The following TMED6 variants were observed in gnomAD, a reference collection of about 807,000 sequenced individuals.
The protein encoded by TMED6 is transmembrane emp24 domain-containing protein 6.
Under a neutral mutation model 26.5 loss-of-function variants are expected in TMED6, and 17 were observed. The ratio of observed to expected loss-of-function variants is 0.64; its 90% confidence interval spans 0.44 to 0.96. The LOEUF is 0.96. TMED6 is among the 40% of genes least tolerant of loss of function. The pLI, the probability that TMED6 is intolerant of heterozygous loss-of-function variation, is 0.00. For missense variants in TMED6, 309 were observed against 296.5 expected, an observed-to-expected ratio of 1.04 and a Z score of -0.31; for synonymous variants, 107 against 106.2, an observed-to-expected ratio of 1.01 and a Z score of -0.04.
rs761202041 is a variant in TMED6, at chr16:69,343,384, CA to C, written c.*22del. ...CGACTAAGCCCCAGAAGAAAACAGC[CA>C]GGGTGCTATAGTCACCTTAGCTTAG... On this transcript the variant is annotated 3_prime_UTR_variant, in exon 4 of 4. Coordinates refer to ENST00000288025, the MANE Select transcript of TMED6 (RefSeq NM_144676.4). 1.3e-6 allele frequency: 2 copies of C among 1,589,928 alleles called. No homozygotes were observed. Among genetic ancestry groups the C allele is most frequent in the East Asian group, 4.5e-5 (2 of 44,422 alleles).
intron 1 of TMED6, among the ~76,000 whole-genome samples, chr16:69,350,108 T>TA (rs1239127448): frequency 6.6e-5 from 10 of 151,436 alleles, no homozygotes; most frequent in Non-Finnish European, 8.8e-5. Flanking sequence ...TGTCTCTACT[T>TA]AAAAAATACA....
chr16:69,348,975 G>A (rs565559651), intron 2 of TMED6, among the ~76,000 whole-genome samples: 1 of 152,328 alleles, frequency 6.6e-6, no homozygotes, highest in Admixed American at 6.5e-5. Flanking sequence ...ACTGTCTGAT[G>A]CCCCTGTTGA....
At position 69,347,929 on chromosome 16, in the gene TMED6, A is replaced by G. The variant is rs1239753767; in HGVS notation, c.348T>C (p.Tyr116=). ...INFSTQETGF[Y]QLCLSNQHNH... is the part of the protein sequence containing the mutation. The stretch of plus-strand genomic sequence containing the variant: ...TATGCTGATTACTTAGACAAAGCTG[A>G]TAAAAACCTGTAGGAATTCTTAGAT... Residue 116 remains tyrosine (Y), a synonymous_variant, in exon 3 of 4, where the codon TAT becomes TAC. Coordinates refer to ENST00000288025, the MANE Select transcript of TMED6 (RefSeq NM_144676.4). 8 of 1,613,864 alleles carry G rather than the reference A, an allele frequency of 5.0e-6. No individual in the cohort carries two copies. Among genetic ancestry groups the G allele is most frequent in the Non-Finnish European group, 6.8e-6 (8 of 1,179,956 alleles).
chr16:69,343,924 G>A lies in TMED6; in HGVS notation c.490-284C>T, dbSNP rs80254057. Among the ~76,000 whole-genome samples, 1,013 of 152,158 alleles carry A rather than the reference G, an allele frequency of 6.7e-3. 45 individuals carry two copies. The South Asian group carries it at 0.12, about 18-fold the overall frequency. On this transcript the variant is annotated intron_variant, in intron 3 of 3. Coordinates refer to ENST00000288025, the MANE Select transcript of TMED6 (RefSeq NM_144676.4). ...GCTCACTGCAGCCTCAACCTTCTGC[G>A]CTCAAGTGATCTTCCCACCTCAGCC...
chr16:69,350,682 G>A (rs893831404), intron 1 of TMED6, among the ~76,000 whole-genome samples: 2 of 152,088 alleles, frequency 1.3e-5, no homozygotes, highest in Non-Finnish European at 2.9e-5. Context: ...CTGCTTGGCA[G>A]TGCACACCTA....
At chr16:69,345,064 A>T (rs895425192) in intron 3 of TMED6, among the ~76,000 whole-genome samples, 39 of 152,046 alleles carry the variant, frequency 2.6e-4, no homozygotes, top group African/African-American at 8.9e-4. Flanking sequence ...ATTCCAGCCT[A>T]GGTGACAAAG....
chr16:69,347,363 A>G (rs759234623), intron 3 of TMED6, among the ~76,000 whole-genome samples: 3 of 152,174 alleles, frequency 2.0e-5, no homozygotes, highest in Non-Finnish European at 2.9e-5. Context: ...AAGAGCTTCA[A>G]GTCGTAATTT....
rs10607828 is a variant in TMED6, at chr16:69,348,122, CTTA to C, written c.341-189_341-187del. The C allele has an allele frequency of 8.8e-3, 5,029 of 571,576 alleles. 210 individuals are homozygous for C. Among genetic ancestry groups the C allele is most frequent in the African/African-American group, 0.083 (4,466 of 53,490 alleles). 35.4% of individuals were successfully genotyped at this position (571,576 alleles called of 1,614,324 possible). A position where few individuals can be genotyped will look rare whatever the true frequency, so the allele number is the denominator to read the frequency against. ...TATGTTAAACTTATACTAAATATTA[CTTA>C]TTATATTTGGCCAAATTTTAGTAAC... is the stretch of plus-strand genomic sequence containing the variant. On this transcript the variant is annotated intron_variant, in intron 2 of 3. Coordinates refer to ENST00000288025, the MANE Select transcript of TMED6 (RefSeq NM_144676.4).
rs1343598318 is a variant in TMED6, at chr16:69,351,635, T to A, written c.119A>T (p.Asp40Val). Residue 40 changes from aspartate to valine, a missense_variant, in exon 1 of 4, where the codon GAT becomes GTT. By Grantham distance (152) the Asp-to-Val change is radical. Transcript: ENST00000288025. ...SGDQPLFRGA[D>V]RYDFAIMIPP... is the part of the protein sequence containing the mutation. ...TATCATGATGGCAAAGTCATATCGA[T>A]CAGCTCCACGGAAGAGTGGCTGGTC... 1.9e-6 allele frequency: 3 copies of A among 1,614,006 alleles called. No individual in the cohort carries two copies. Among genetic ancestry groups the A allele is most frequent in the South Asian group, 2.2e-5 (2 of 91,060 alleles).
chr16:69,347,101 G>A (rs915694641), intron 3 of TMED6, among the ~76,000 whole-genome samples: 5 of 152,122 alleles, frequency 3.3e-5, no homozygotes, highest in Non-Finnish European at 1.5e-5. Context: ...CAGGCCTGGG[G>A]TAATAGAATG....
rs1438743983 is a variant in TMED6 at position 69,343,581 on chromosome 16, G to A, written c.549C>T (p.Ala183=). 4.3e-6 allele frequency: 7 copies of A among 1,614,154 alleles called. No homozygotes were observed. The highest frequency in any genetic ancestry group is 5.1e-6 in the Non-Finnish European group (6 of 1,180,022). ...IFHMWRYYNF[A]RMRKMADFFL... is the part of the protein sequence containing the mutation. ...AAAAGTCAGCCATTTTCCTCATCCG[G>A]GCAAAGTTGTAGTATCGCCACATGT... Residue 183 remains alanine (A), a synonymous_variant, in exon 4 of 4, where the codon GCC becomes GCT. Coordinates refer to ENST00000288025, the MANE Select transcript of TMED6 (RefSeq NM_144676.4).
rs377067532 is a variant in TMED6, at chr16:69,349,621, G to T, written c.244C>A (p.Arg82=). 6.2e-7 allele frequency: 1 copy of T among 1,613,774 alleles called. No homozygotes were observed. The highest frequency in any genetic ancestry group is 8.5e-7 in the Non-Finnish European group (1 of 1,179,848). Reference sequence around the variant, plus strand: ...TTATGTGCCGTGGCAGCAACATGCCGGTCATGTGACATCCCCACTGTCCGC... The same window carrying T: ...TTATGTGCCGTGGCAGCAACATGCCTGTCATGTGACATCCCCACTGTCCGC... ...VQRTVGMSHD[R]HVAATAHNPQ... The change falls in exon 2 of 4, where the codon CGG becomes AGG. Residue 82 remains arginine, a synonymous_variant. Transcript: ENST00000288025.
At chr16:69,344,209 T>G (rs911505251) in intron 3 of TMED6, among the ~76,000 whole-genome samples, 3 of 152,224 alleles carry the variant, frequency 2.0e-5, no homozygotes, top group Non-Finnish European at 4.4e-5. Flanking sequence ...TAGATTTAGA[T>G]GTACTCAGCA....
intron 3 of TMED6, among the ~76,000 whole-genome samples, chr16:69,347,517 G>A (rs1230732221): frequency 3.3e-5 from 5 of 152,154 alleles, no homozygotes; most frequent in Middle Eastern, 3.4e-3. Context: ...GCACCACCAC[G>A]CCCAGCTAAT....
Position 69,343,360 on chromosome 16 carries a change from G to T in TMED6, c.*47C>A. 6.6e-7 allele frequency: 1 copy of T among 1,517,614 alleles called. No homozygotes were observed. The highest frequency in any genetic ancestry group is 1.2e-5 in the South Asian group (1 of 84,908). The allele number at this position is 1,517,614 out of a possible 1,614,324, so 94.0% of individuals were successfully genotyped here. Reference sequence around the variant, plus strand: ...TCCCATAACATTACAAAGCTGATTCGACTAAGCCCCAGAAGAAAACAGCCA... The same window carrying T: ...TCCCATAACATTACAAAGCTGATTCTACTAAGCCCCAGAAGAAAACAGCCA... On this transcript the variant is annotated 3_prime_UTR_variant, in exon 4 of 4. Transcript: ENST00000288025.
chr16:69,350,668 T>A (rs2012762295), intron 1 of TMED6, among the ~76,000 whole-genome samples: 1 of 152,076 alleles, frequency 6.6e-6, no homozygotes, highest in African/African-American at 2.4e-5. Flanking sequence ...GATTTGGGCA[T>A]TTGCTGCTTG....
In TMED6 at chr16:69,343,598, G is replaced by A. The variant is rs202173115; in HGVS notation, c.532C>T (p.Arg178Ter). ...KVQNNIFHMW[R>*]YYNFARMRKM... ...CTCATCCGGGCAAAGTTGTAGTATC[G>A]CCACATGTGAAAGATATTGTTCTGC... The change falls in exon 4 of 4, where the codon CGA becomes TGA. Residue 178 changes from arginine (R) to a stop codon, truncating the protein, a stop_gained. Transcript: ENST00000288025. LOFTEE classifies it high-confidence loss of function. 5.7e-5 allele frequency: 92 copies of A among 1,614,024 alleles called. No homozygotes were observed. The highest frequency in any genetic ancestry group is 7.4e-5 in the Non-Finnish European group (87 of 1,180,044).
intron 3 of TMED6, 91 bp from the exon 4 acceptor site, chr16:69,343,731 A>G (rs1597230819): frequency 1.0e-6 from 1 of 952,974 alleles, no homozygotes; most frequent in South Asian, 1.5e-5. Flanking sequence ...CTCAAGTCAA[A>G]TAATTTACCC....
At chr16:69,347,995 C>T in intron 2 of TMED6, 59 bp from the exon 3 acceptor site, 4 of 1,575,338 alleles carry the variant, frequency 2.5e-6, no homozygotes, top group Non-Finnish European at 3.5e-6. Context: ...GTTAAGGATT[C>T]CCTGGAGGTA....
Sources: gnomAD v4.1 joint callset for allele counts (sites outside exome capture counted in the v4.1 genomes callset) on GRCh38, gnomAD v4.1.1 for gene constraint, MANE v1.5 for transcripts, NCBI Gene and HGNC (gene_info 2026-07-23, HGNC 2026-07-21) for gene names.